ZNF516: variants seen among roughly 807,000 people sequenced by gnomAD.
The protein encoded by ZNF516 is zinc finger protein 516.
A neutral mutation model predicts 79.7 loss-of-function variants in ZNF516; 19 were observed. That is an observed-to-expected ratio of 0.24 (90% CI 0.17 to 0.35). The LOEUF is 0.35. Among genes scored for constraint, ZNF516 ranks in the 10% least tolerant of loss-of-function variants. ZNF516 has a pLI of 1.00. For synonymous variants in ZNF516, 877 were observed against 739.5 expected (o/e 1.19, Z -3.02); for missense variants, 1,678 against 1,679.5 (o/e 1.00, Z 0.02).
chr18:76,486,140 A>G (rs1202991786), intron 1 of ZNF516, among the ~76,000 whole-genome samples: 4 of 152,196 alleles, frequency 2.6e-5, no homozygotes, highest in Non-Finnish European at 2.9e-5. Flanking sequence ...TCGGTGGAAA[A>G]AAAGTGAAAC....
chr18:76,487,870 C>T, intron 1 of ZNF516: 1 of 940,944 alleles, frequency 1.1e-6, no homozygotes, highest in Non-Finnish European at 1.3e-6. Flanking sequence ...GCTGCTGCCA[C>T]TACACTTTCG....
chr18:76,378,422 C>T (rs1173810280), intron 4 of ZNF516: 2 of 158,742 alleles, frequency 1.3e-5, no homozygotes, highest in Non-Finnish European at 2.7e-5. Context: ...AAACTTAATA[C>T]ATTAAATGAA....
intron 3 of ZNF516, among the ~76,000 whole-genome samples, chr18:76,397,375 GAAA>G (rs146856854): frequency 6.6e-6 from 1 of 150,764 alleles, no homozygotes; most frequent in Admixed American, 6.6e-5. Context: ...CAAAAAAAAA[GAAA>G]AAAAAATCTG....
At position 76,378,921 on chromosome 18, in the gene ZNF516, T is replaced by C. The variant is rs2074835448; in HGVS notation, c.3193A>G (p.Ile1065Val). The C allele has an allele frequency of 1.2e-6, 2 of 1,613,872 alleles. No homozygotes were observed. The highest frequency in any genetic ancestry group is 1.7e-4 in the Middle Eastern group (1 of 6,060). Residue 1065 changes from isoleucine (I) to valine (V), a missense_variant, in exon 4 of 7, where the codon ATT (isoleucine) becomes GTT (valine). Ile to Val is a conservative substitution (Grantham distance 29). Transcript: ENST00000443185. ...LDILNIFKTYIPKDFATLYQG... is the reference protein window; with the variant it reads ...LDILNIFKTYVPKDFATLYQG... ...TAGAGGGTCGCAAAGTCCTTTGGAA[T>C]GTACGTCTTAAAGATGTTGAGGATG...
chr18:76,363,209 G>A (rs1441161892), intron 6 of ZNF516, among the ~76,000 whole-genome samples: 1 of 152,178 alleles, frequency 6.6e-6, no homozygotes, highest in African/African-American at 2.4e-5. Flanking sequence ...TTGAACAATA[G>A]CATTTACAAT....
chr18:76,450,194 G>GGGGGGGGTT (rs1912317413), intron 2 of ZNF516, among the ~76,000 whole-genome samples: 1 of 131,942 alleles, frequency 7.6e-6, no homozygotes, highest in Non-Finnish European at 1.6e-5. Flanking sequence ...AGGGGGGGGG[G>GGGGGGGGTT]TGTTTATTTC....
At position 76,359,422 on chromosome 18, in the gene ZNF516, C is replaced by T. The variant is rs2074499447; in HGVS notation, c.*3076G>A. On this transcript the variant is annotated 3_prime_UTR_variant, in exon 7 of 7. Transcript: ENST00000443185. ...CAGTGGCCAATTTCCCAGAGAAGAT[C>T]CTCAATATCTGACTTTTGAGAGAAT... 1 of 152,134 alleles carries T rather than the reference C, an allele frequency of 6.6e-6. No homozygotes were observed. The highest frequency in any genetic ancestry group is 2.4e-5 in the African/African-American group (1 of 41,422). The allele number at this position is 152,134 out of a possible 1,614,324, so 9.4% of individuals were successfully genotyped here.
intron 3 of ZNF516, among the ~76,000 whole-genome samples, chr18:76,427,819 G>C (rs2075614834): frequency 6.6e-6 from 1 of 152,188 alleles, no homozygotes; most frequent in East Asian, 1.9e-4. Context: ...AAGTACATCA[G>C]GGAAGAAATA....
intron 1 of ZNF516, among the ~76,000 whole-genome samples, chr18:76,472,519 C>T (rs1913907237): frequency 6.6e-6 from 1 of 152,264 alleles, no homozygotes; most frequent in Non-Finnish European, 1.5e-5. Flanking sequence ...ACTTGCGACA[C>T]GTGCGCTCAC....
intron 2 of ZNF516, among the ~76,000 whole-genome samples, chr18:76,457,046 AGCTG>A: frequency 6.6e-6 from 1 of 152,362 alleles, no homozygotes. Context: ...GGCTAAATTA[AGCTG>A]ACAGCACAGG....
At chr18:76,440,197 AC>A in intron 3 of ZNF516, among the ~76,000 whole-genome samples, 1 of 100,066 alleles carries the variant, frequency 1.0e-5, no homozygotes, top group Non-Finnish European at 2.2e-5. Flanking sequence ...ACAGACCCTC[AC>A]ATAACACACT....
At position 76,379,485 on chromosome 18, in the gene ZNF516, G is replaced by C; in HGVS notation, c.2629C>G (p.Leu877Val). The change falls in exon 4 of 7, where the codon CTG (leucine) becomes GTG (valine). Residue 877 changes from leucine (L) to valine (V), a missense_variant. This residue lies in a region of ZNF516 where 1,294 missense variants were observed against 1,248.3 expected (regional missense o/e 1.04). Transcript: ENST00000443185. ...TACCCGTCAGGGCCGGGCGCCCACA[G>C]AGCGCAGGGACCTCCGGAATGGCTC... ...KESHSGGPCA[L>V]WAPGPDGYRQ... is the part of the protein sequence containing the mutation. 2 of 1,613,702 alleles carry C rather than the reference G, an allele frequency of 1.2e-6. No individual in the cohort carries two copies. Among genetic ancestry groups the C allele is most frequent in the South Asian group, 2.2e-5 (2 of 91,088 alleles).
At position 76,469,987 on chromosome 18, in the gene ZNF516, T is replaced by C. The variant is rs1913731581; in HGVS notation, c.-271-6846A>G. 3.9e-5 allele frequency among the ~76,000 whole-genome samples: 6 copies of C among 152,350 alleles called. No individual in the cohort carries two copies. The South Asian group carries it at 1.2e-3, about 32-fold the overall frequency. On this transcript the variant is annotated intron_variant, in intron 1 of 6. Coordinates refer to ENST00000443185, the MANE Select transcript of ZNF516 (RefSeq NM_014643.4). ...CAAATGAGATAATATTTATAAGGCA[T>C]TGTTAAGTAAATAATCTACTGTTAA...
intron 6 of ZNF516, among the ~76,000 whole-genome samples, chr18:76,363,797 T>G (rs748308315): frequency 7.2e-5 from 11 of 152,168 alleles, no homozygotes; most frequent in Non-Finnish European, 1.5e-4. Flanking sequence ...GGAAGGAAAA[T>G]GGTCTTCGTG....
chr18:76,417,785 A>G (rs2075450952), intron 3 of ZNF516, among the ~76,000 whole-genome samples: 1 of 152,218 alleles, frequency 6.6e-6, no homozygotes, highest in Non-Finnish European at 1.5e-5. Context: ...GTTTCTGCAT[A>G]AGTTTCAGAA....
chr18:76,367,295 G>A (rs893119728), intron 6 of ZNF516, among the ~76,000 whole-genome samples: 7 of 152,108 alleles, frequency 4.6e-5, no homozygotes, highest in Admixed American at 1.3e-4. Context: ...CTTATCTCTC[G>A]CTGGGATCAA....
At chr18:76,472,999 T>C (rs926941049) in intron 1 of ZNF516, among the ~76,000 whole-genome samples, 10 of 152,178 alleles carry the variant, frequency 6.6e-5, no homozygotes, top group East Asian at 1.9e-4. Flanking sequence ...AGGAAGGTAA[T>C]AGAAGTGTTC....
chr18:76,390,198 C>T (rs554372565), intron 3 of ZNF516, among the ~76,000 whole-genome samples: 2 of 152,182 alleles, frequency 1.3e-5, no homozygotes, highest in African/African-American at 2.4e-5. Flanking sequence ...GTTTTTAATA[C>T]AACTGGCTTC....
chr18:76,462,702 A>G (rs1029335130), intron 2 of ZNF516, among the ~76,000 whole-genome samples: 1 of 152,186 alleles, frequency 6.6e-6, no homozygotes, highest in Non-Finnish European at 1.5e-5. Context: ...ATAGTTTTCC[A>G]GATCATAAAA....
Sources: allele counts gnomAD v4.1 joint callset (sites outside exome capture counted in the v4.1 genomes callset), GRCh38; gene constraint gnomAD v4.1.1; regional missense constraint gnomAD v4.1.1; transcripts MANE v1.5; gene names NCBI Gene and HGNC (gene_info 2026-07-23, HGNC 2026-07-21).